PIP5K1B: variants seen among roughly 807,000 people sequenced by gnomAD.
The protein encoded by PIP5K1B is phosphatidylinositol 4-phosphate 5-kinase type-1 beta.
Under a neutral mutation model 67.0 loss-of-function variants are expected in PIP5K1B, and 42 were observed. The observed-to-expected ratio is 0.63, with a 90% CI of 0.49 to 0.81. PIP5K1B has a LOEUF of 0.81. Among genes scored for constraint, PIP5K1B ranks in the 30% least tolerant of loss-of-function variants. PIP5K1B has a pLI of 0.00. For missense variants in PIP5K1B, 459 were observed against 646.3 expected (o/e 0.71, Z 3.14); for synonymous variants, 214 against 231.4 (o/e 0.92, Z 0.68).
chr9:68,980,949 G>C (rs989183828), intron 14 of PIP5K1B, among the ~76,000 whole-genome samples: 3 of 152,232 alleles, frequency 2.0e-5, no homozygotes, highest in Admixed American at 2.0e-4. Context: ...AACCCAGAGA[G>C]GGAAATATAA....
At chr9:68,861,991 G>A (rs1204069874) in intron 4 of PIP5K1B, among the ~76,000 whole-genome samples, 1 of 151,818 alleles carries the variant, frequency 6.6e-6, no homozygotes, top group African/African-American at 2.4e-5. Context: ...AAATAAAAGG[G>A]CATGTGAAAA....
intron 2 of PIP5K1B, among the ~76,000 whole-genome samples, chr9:68,750,295 C>T (rs1422717892): frequency 2.6e-5 from 4 of 152,192 alleles, no homozygotes; most frequent in East Asian, 3.8e-4. Flanking sequence ...TTTCAGCTCC[C>T]CAGGATTTGT....
chr9:68,991,748 G>A (rs1336105282), intron 15 of PIP5K1B, among the ~76,000 whole-genome samples: 1 of 152,166 alleles, frequency 6.6e-6, no homozygotes, highest in African/African-American at 2.4e-5. Flanking sequence ...CTTTCTGACT[G>A]CCTAAGGAGG....
intron 1 of PIP5K1B, among the ~76,000 whole-genome samples, chr9:68,724,757 C>T (rs1334110137): frequency 6.6e-6 from 1 of 151,950 alleles, no homozygotes; most frequent in African/African-American, 2.4e-5. Context: ...ACTCTGATGA[C>T]TTTTGTATGT....
At chr9:68,824,379 T>G in intron 4 of PIP5K1B, 1 of 420,578 alleles carries the variant, frequency 2.4e-6, no homozygotes, top group South Asian at 1.8e-5. Context: ...CAAGCAGGTT[T>G]TCAATAATTA....
chr9:68,752,526 C>G (rs1371973341), intron 2 of PIP5K1B, among the ~76,000 whole-genome samples: 3 of 151,590 alleles, frequency 2.0e-5, no homozygotes, highest in African/African-American at 7.3e-5. Flanking sequence ...TCTTTCCCTC[C>G]CTTGCTGTCT....
At chr9:68,794,139 T>C (rs933701635) in intron 2 of PIP5K1B, among the ~76,000 whole-genome samples, 2 of 152,066 alleles carry the variant, frequency 1.3e-5, no homozygotes, top group African/African-American at 4.8e-5. Flanking sequence ...GTCATTGCGG[T>C]GGAGTGGTGC....
intron 14 of PIP5K1B, chr9:68,964,153 T>C (rs1828896789): frequency 6.6e-6 from 1 of 152,212 alleles, no homozygotes; most frequent in African/African-American, 2.4e-5. Context: ...TCTTTAAGAC[T>C]GCTGTTGTAT....
chr9:68,775,591 AC>A (rs1830877593), intron 2 of PIP5K1B, among the ~76,000 whole-genome samples: 1 of 152,192 alleles, frequency 6.6e-6, no homozygotes, highest in South Asian at 2.1e-4. Context: ...GTGCGACGGC[AC>A]CAGATTTCAT....
chr9:69,008,438 TC>T lies in PIP5K1B; in HGVS notation c.1621-3del. 6.2e-7 allele frequency: 1 copy of T among 1,613,482 alleles called. No homozygotes were observed. Among genetic ancestry groups the T allele is most frequent in the Non-Finnish European group, 8.5e-7 (1 of 1,179,572 alleles). On this transcript the variant is annotated splice_polypyrimidine_tract_variant and splice_region_variant and intron_variant, in intron 15 of 15. Transcript: ENST00000265382. ...TCTAGTCTCACACCTGCTTTTTTGC[TC>T]CCCCCAGTAAGTGAAAATGGTGATC...
chr9:68,754,782 A>T (rs571118497), intron 2 of PIP5K1B, among the ~76,000 whole-genome samples: 1 of 152,354 alleles, frequency 6.6e-6, no homozygotes, highest in East Asian at 1.9e-4. Context: ...AACAGAGGTT[A>T]TATGAGGCAT....
intron 15 of PIP5K1B, among the ~76,000 whole-genome samples, chr9:69,002,320 A>T (rs956491330): frequency 6.6e-6 from 1 of 152,198 alleles, no homozygotes; most frequent in Admixed American, 6.5e-5. Context: ...GCGTCCAAAT[A>T]TATTTTTTAA....
At chr9:68,868,759 C>G (rs938374358) in intron 5 of PIP5K1B, among the ~76,000 whole-genome samples, 6 of 152,168 alleles carry the variant, frequency 3.9e-5, no homozygotes, top group African/African-American at 1.4e-4. Flanking sequence ...GTTTAAATAT[C>G]TTTCCATATT....
At chr9:68,715,585 G>T (rs926668663) in intron 1 of PIP5K1B, among the ~76,000 whole-genome samples, 7 of 152,188 alleles carry the variant, frequency 4.6e-5, no homozygotes, top group African/African-American at 1.4e-4. Context: ...CTCCAGGAGG[G>T]CTTCAACAGT....
At chr9:68,708,501 A>G (rs1827230778) in intron 1 of PIP5K1B, among the ~76,000 whole-genome samples, 1 of 151,894 alleles carries the variant, frequency 6.6e-6, no homozygotes, top group Non-Finnish European at 1.5e-5. Context: ...CTCCCTAGAC[A>G]GTAGACTCAT....
chr9:68,859,165 C>A (rs1822929987), intron 4 of PIP5K1B, among the ~76,000 whole-genome samples: 1 of 152,226 alleles, frequency 6.6e-6, no homozygotes, highest in Non-Finnish European at 1.5e-5. Flanking sequence ...GCATTAGAAA[C>A]CCTATGTAGC....
chr9:68,827,955 A>G (rs1474589818), intron 4 of PIP5K1B, among the ~76,000 whole-genome samples: 1 of 152,116 alleles, frequency 6.6e-6, no homozygotes. Context: ...ACCCAGCCCC[A>G]CCTCTCCAAA....
chr9:68,805,800 G>T (rs1832844604), intron 2 of PIP5K1B, among the ~76,000 whole-genome samples: 1 of 152,214 alleles, frequency 6.6e-6, no homozygotes, highest in Admixed American at 6.5e-5. Flanking sequence ...GGAGAGTTTG[G>T]CTGTAAGGAC....
At chr9:68,905,299 AGC>A (rs1463112965) in intron 8 of PIP5K1B, among the ~76,000 whole-genome samples, 1 of 152,176 alleles carries the variant, frequency 6.6e-6, no homozygotes, top group Non-Finnish European at 1.5e-5. Context: ...GCCTGATGGT[AGC>A]AACTCTGGCT....
Sources: allele counts gnomAD v4.1 joint callset (sites outside exome capture counted in the v4.1 genomes callset), GRCh38; gene constraint gnomAD v4.1.1; transcripts MANE v1.5; gene names NCBI Gene and HGNC (gene_info 2026-07-23, HGNC 2026-07-21).